DNM3: variants seen among roughly 807,000 people sequenced by gnomAD.
The protein encoded by DNM3 is dynamin-3.
In DNM3, 47 loss-of-function variants were observed where a neutral mutation model predicts 101.6. The ratio of observed to expected loss-of-function variants is 0.46; its 90% CI spans 0.37 to 0.59. DNM3 has a LOEUF of 0.59. Among genes scored for constraint, DNM3 ranks in the 20% least tolerant of loss-of-function variants. The pLI is 0.00. For missense variants in DNM3, 849 were observed against 1,085.7 expected (o/e 0.78, Z 3.06); for synonymous variants, 385 against 387.9 (o/e 0.99, Z 0.09).
rs528001323 is a variant in DNM3, at chr1:171,987,581, T to C, written c.236-75T>C. 36 of 1,413,850 alleles carry C rather than the reference T, an allele frequency of 2.5e-5. No individual in the cohort carries two copies. In the East Asian group the frequency reaches 3.7e-4, roughly 15 times the overall value. 87.6% of individuals were successfully genotyped at this position (1,413,850 alleles called of 1,614,324 possible). A position where few individuals can be genotyped will look rare whatever the true frequency, so the allele number is the denominator to read the frequency against. The stretch of plus-strand genomic sequence containing the variant: ...AGAGAATATTGGATACTTTGACTTA[T>C]AATTAAAGAAACTTTTATAATTATG... On this transcript the variant is annotated intron_variant, in intron 2 of 20. Transcript: ENST00000627582.
In DNM3 at chr1:172,131,213, C is replaced by T; in HGVS notation, c.1584C>T (p.Gly528=). 1.2e-6 allele frequency: 2 copies of T among 1,613,404 alleles called. No individual in the cohort carries two copies. The highest frequency in any genetic ancestry group is 2.2e-5 in the South Asian group (2 of 91,050). The change falls in exon 14 of 21, where the codon GGC becomes GGT. Residue 528 remains glycine, a synonymous_variant. Coordinates refer to ENST00000627582, the MANE Select transcript of DNM3 (RefSeq NM_015569.5). ...RKGWLTISNI[G]IMKGGSKGYW... ...GGTGGCTCACCATCAGCAACATTGG[C>T]ATCATGAAAGGCGGCTCGAAGGGAT...
chr1:171,847,773 G>C (rs959624785), intron 1 of DNM3, among the ~76,000 whole-genome samples: 1 of 152,124 alleles, frequency 6.6e-6, no homozygotes, highest in African/African-American at 2.4e-5. Flanking sequence ...GGAATGAATT[G>C]TTTAGAATGG....
chr1:172,416,229 A>G (rs752507570), downstream of DNM3, among the ~76,000 whole-genome samples: 2 of 152,220 alleles, frequency 1.3e-5, no homozygotes, highest in Non-Finnish European at 2.9e-5. Context: ...CAATTGTATG[A>G]GGTACCTTTG....
intron 2 of DNM3, among the ~76,000 whole-genome samples, chr1:171,976,328 A>C (rs2044367239): frequency 6.6e-6 from 1 of 152,242 alleles, no homozygotes; most frequent in African/African-American, 2.4e-5. Flanking sequence ...TTTATAAAAG[A>C]AAGAGGCTTA....
At chr1:172,056,031 A>G (rs2050582343) in intron 10 of DNM3, among the ~76,000 whole-genome samples, 1 of 152,186 alleles carries the variant, frequency 6.6e-6, no homozygotes, top group African/African-American at 2.4e-5. Flanking sequence ...CTCACTCCGG[A>G]AGTGCAAGGG....
intron 1 of DNM3, among the ~76,000 whole-genome samples, chr1:171,886,669 T>C (rs2036806052): frequency 6.6e-6 from 1 of 152,352 alleles, no homozygotes; most frequent in African/African-American, 2.4e-5. Flanking sequence ...GCTTATTGTT[T>C]CCAGGCTATG....
chr1:172,408,359 G>A lies in DNM3; in HGVS notation c.*518G>A, dbSNP rs1400924447. The A allele has an allele frequency of 1.0e-6, 1 of 986,174 alleles. No individual in the cohort carries two copies. The highest frequency in any genetic ancestry group is 1.1e-4 in the East Asian group (1 of 8,848). 61.1% of individuals were successfully genotyped at this position (986,174 alleles called of 1,614,324 possible). On this transcript the variant is annotated 3_prime_UTR_variant, in exon 21 of 21. Coordinates refer to ENST00000627582, the MANE Select transcript of DNM3 (RefSeq NM_015569.5). ...TTTTATTTCATAAGACTGCTAGGAAGTGATTTTTTAAAATTAGGACTCCTT... is the reference window on the plus strand; with the variant it reads ...TTTTATTTCATAAGACTGCTAGGAAATGATTTTTTAAAATTAGGACTCCTT...
chr1:171,893,015 C>T (rs1390488529), intron 1 of DNM3, among the ~76,000 whole-genome samples: 1 of 149,974 alleles, frequency 6.7e-6, no homozygotes, highest in Admixed American at 6.6e-5. Context: ...GAGTTGGGGA[C>T]CCCTGAACTA....
At chr1:171,991,833 CT>C (rs2045651017) in intron 4 of DNM3, among the ~76,000 whole-genome samples, 1 of 152,136 alleles carries the variant, frequency 6.6e-6, no homozygotes. Flanking sequence ...TAGTTGTGTG[CT>C]GGGGAATAGG....
chr1:172,320,258 G>A (rs1297386121), intron 16 of DNM3, among the ~76,000 whole-genome samples: 1 of 151,688 alleles, frequency 6.6e-6, no homozygotes, highest in Admixed American at 6.6e-5. Flanking sequence ...GGGAGGGATA[G>A]CATTAGGAGA....
At chr1:172,074,566 G>A (rs1487109359) in intron 11 of DNM3, among the ~76,000 whole-genome samples, 1 of 152,000 alleles carries the variant, frequency 6.6e-6, no homozygotes, top group Non-Finnish European at 1.5e-5. Flanking sequence ...AACATGCAGT[G>A]TTTGGTTTTC....
At chr1:171,849,528 C>A (rs2124985309) in intron 1 of DNM3, among the ~76,000 whole-genome samples, 1 of 152,264 alleles carries the variant, frequency 6.6e-6, no homozygotes, top group African/African-American at 2.4e-5. Flanking sequence ...TTTGCAAATT[C>A]TTTTCGTGAA....
rs566014569 is a variant in DNM3, at chr1:172,409,912, T to C, written c.*2071T>C. On this transcript the variant is annotated 3_prime_UTR_variant, in exon 21 of 21. Transcript: ENST00000627582. Reference sequence around the variant, plus strand: ...ATTGTGAATAACCACTGGTGTGTTCTTAGATCAGCACAAACCATGTCAAAA... The same window carrying C: ...ATTGTGAATAACCACTGGTGTGTTCCTAGATCAGCACAAACCATGTCAAAA... The C allele has an allele frequency of 1.0e-6, 1 of 985,794 alleles. No homozygotes were observed. The highest frequency in any genetic ancestry group is 6.1e-5 in the Admixed American group (1 of 16,270). The allele number at this position is 985,794 out of a possible 1,614,324, so 61.1% of individuals were successfully genotyped here.
rs1363695688 is a variant in DNM3 at position 172,119,735 on chromosome 1, T to G, written c.1546-11440T>G. 2.6e-5 allele frequency among the ~76,000 whole-genome samples: 4 copies of G among 152,182 alleles called. No homozygotes were observed. In the East Asian group the frequency reaches 7.7e-4, roughly 29 times the overall value. ...TGTTCACATCTTGACATGTCCAGAC[T>G]GAACTTATGACTCCTCCACTCCCTA... On this transcript the variant is annotated intron_variant, in intron 13 of 20. Transcript: ENST00000627582.
rs1300556472 is a variant in DNM3, at chr1:172,410,944, G to T, written c.*3103G>T. ...GTACAAACACATTTTCTATGCATGTGTCTCTGTGTATATGGCATATACCTA... is the reference window on the plus strand; with the variant it reads ...GTACAAACACATTTTCTATGCATGTTTCTCTGTGTATATGGCATATACCTA... On this transcript the variant is annotated 3_prime_UTR_variant, in exon 21 of 21. Coordinates refer to ENST00000627582, the MANE Select transcript of DNM3 (RefSeq NM_015569.5). 1 of 985,100 alleles carries T rather than the reference G, an allele frequency of 1.0e-6. No individual in the cohort carries two copies. Among genetic ancestry groups the T allele is most frequent in the African/African-American group, 1.7e-5 (1 of 57,192 alleles). The allele number at this position is 985,100 out of a possible 1,614,324, so 61.0% of individuals were successfully genotyped here.
intron 2 of DNM3, among the ~76,000 whole-genome samples, chr1:171,944,348 T>TATTC (rs1321442305): frequency 1.1e-5 from 1 of 89,578 alleles, no homozygotes; most frequent in Non-Finnish European, 2.5e-5. Context: ...TGTATTTATT[T>TATTC]ATTTATTTAT....
At chr1:171,985,227 T>C (rs1344124518) in intron 2 of DNM3, among the ~76,000 whole-genome samples, 1 of 152,202 alleles carries the variant, frequency 6.6e-6, no homozygotes, top group African/African-American at 2.4e-5. Context: ...TATATGGCAT[T>C]GAAAAAAACA....
At chr1:172,415,477 C>T (rs2071392322), downstream of DNM3, 1 of 150,800 alleles carries the variant, frequency 6.6e-6, no homozygotes, top group Non-Finnish European at 1.5e-5. Flanking sequence ...GGGTTATTAA[C>T]TTACCTAAAG....
At chr1:172,308,665 A>C in intron 15 of DNM3, 63 bp from the exon 16 acceptor site, 1 of 808,114 alleles carries the variant, frequency 1.2e-6, no homozygotes, top group Non-Finnish European at 1.8e-6. Flanking sequence ...GTCTACAGCA[A>C]CATAAAATGA....
Sources: allele counts gnomAD v4.1 joint callset (sites outside exome capture counted in the v4.1 genomes callset), GRCh38; gene constraint gnomAD v4.1.1; transcripts MANE v1.5; gene names NCBI Gene and HGNC (gene_info 2026-07-23, HGNC 2026-07-21).